The following DLC1 variants were observed in gnomAD, a reference collection of about 807,000 sequenced individuals.
DLC1 encodes rho GTPase-activating protein 7.
Under a neutral mutation model 140.3 loss-of-function variants are expected in DLC1, and 54 were observed. The ratio of observed to expected loss-of-function variants is 0.38; its 90% CI spans 0.31 to 0.48. DLC1 has a LOEUF of 0.48. DLC1 is among the 20% of genes least tolerant of loss of function. The pLI, the probability that DLC1 is intolerant of heterozygous loss-of-function variation, is 0.96. For missense variants in DLC1, 2,536 were observed against 1,907.0 expected (o/e 1.33, Z -6.14); for synonymous variants, 986 against 728.1 (o/e 1.35, Z -5.70).
chr8:13,502,297 C>G (rs1302562297), intron 1 of DLC1, among the ~76,000 whole-genome samples: 1 of 152,110 alleles, frequency 6.6e-6, no homozygotes, highest in African/African-American at 2.4e-5. Flanking sequence ...ACTCTTCTTG[C>G]TTTCATTTCT....
intron 2 of DLC1, among the ~76,000 whole-genome samples, chr8:13,442,226 T>C (rs911156015): frequency 4.6e-5 from 7 of 152,184 alleles, no homozygotes; most frequent in African/African-American, 1.2e-4. Context: ...AAGACTTAAA[T>C]GTTAGACCTA....
chr8:13,530,556 G>GA (rs1465363384), intron 1 of DLC1, among the ~76,000 whole-genome samples: 1 of 152,108 alleles, frequency 6.6e-6, no homozygotes, highest in Non-Finnish European at 1.5e-5. Context: ...CCTTGAGCCA[G>GA]ACCACATGCC....
chr8:13,240,154 G>A (rs1347899835), intron 5 of DLC1, among the ~76,000 whole-genome samples: 2 of 152,068 alleles, frequency 1.3e-5, no homozygotes, highest in East Asian at 1.9e-4. Flanking sequence ...TCAAGTAGAT[G>A]TCTCTGGAGA....
At chr8:13,172,050 T>C (rs1035115149) in intron 5 of DLC1, among the ~76,000 whole-genome samples, 15 of 152,222 alleles carry the variant, frequency 9.9e-5, no homozygotes, top group Non-Finnish European at 1.5e-4. Context: ...ATCATTATAA[T>C]AACCAAAAAG....
chr8:13,403,807 G>GTTTTTTTTTTTTTTTTTTTT (rs369715973), intron 2 of DLC1, among the ~76,000 whole-genome samples: 1 of 87,296 alleles, frequency 1.1e-5, no homozygotes, highest in Non-Finnish European at 2.1e-5. Context: ...AGGTCTGGCT[G>GTTTTTTTTTTTTTTTTTTTT]TTTTTTTTTT....
chr8:13,511,064 T>C (rs1198543338), intron 1 of DLC1, among the ~76,000 whole-genome samples: 1 of 152,256 alleles, frequency 6.6e-6, no homozygotes, highest in East Asian at 1.9e-4. Flanking sequence ...GCAAGCTAGG[T>C]ATTTTGCTAA....
chr8:13,246,589 A>G (rs912132836), intron 5 of DLC1, among the ~76,000 whole-genome samples: 3 of 152,154 alleles, frequency 2.0e-5, no homozygotes, highest in Admixed American at 6.5e-5. Flanking sequence ...GTTCACAGCA[A>G]TTCATATCAA....
intron 2 of DLC1, among the ~76,000 whole-genome samples, chr8:13,477,095 T>G (rs2117097942): frequency 6.6e-6 from 1 of 152,284 alleles, no homozygotes; most frequent in Middle Eastern, 3.4e-3. Flanking sequence ...AGCTTCCTAT[T>G]TCTCACTATT....
intron 7 of DLC1, among the ~76,000 whole-genome samples, chr8:13,108,964 T>G (rs1319183675): frequency 6.6e-6 from 1 of 152,134 alleles, no homozygotes; most frequent in East Asian, 1.9e-4. Flanking sequence ...TTTCAGAAAA[T>G]GGGTACACAC....
At chr8:13,493,149 A>G (rs868621223) in intron 2 of DLC1, among the ~76,000 whole-genome samples, 2 of 152,192 alleles carry the variant, frequency 1.3e-5, no homozygotes, top group African/African-American at 2.4e-5. Context: ...GGGAAGCACA[A>G]TCTTCTCAAC....
intron 16 of DLC1, among the ~76,000 whole-genome samples, chr8:13,087,121 G>C (rs1454827484): frequency 6.6e-6 from 1 of 152,160 alleles, no homozygotes. Context: ...CCCTCATTAG[G>C]CATGGTGGGT....
intron 5 of DLC1, among the ~76,000 whole-genome samples, chr8:13,262,436 A>C (rs1240700163): frequency 5.3e-5 from 8 of 152,126 alleles, no homozygotes; most frequent in Admixed American, 2.6e-4. Context: ...TGGACTTGAC[A>C]TTCTAAAGCA....
intron 1 of DLC1, among the ~76,000 whole-genome samples, chr8:13,571,112 G>T (rs1240610914): frequency 2.0e-5 from 3 of 152,176 alleles, no homozygotes; most frequent in Non-Finnish European, 4.4e-5. Flanking sequence ...AATTTCTTAT[G>T]TATTATTCCA....
Position 13,508,708 on chromosome 8 carries a change from A to G in DLC1, c.-126+5894T>C, listed in dbSNP as rs547908305. Among the ~76,000 whole-genome samples the G allele has an allele frequency of 1.3e-3, 205 of 151,918 alleles. No homozygotes were observed. The Middle Eastern group carries it at 0.014, about 10-fold the overall frequency. On this transcript the variant is annotated intron_variant, in intron 1 of 17. Coordinates refer to ENST00000276297, the MANE Select transcript of DLC1 (RefSeq NM_182643.3). ...GCTGGGATTACAGGCGTGAGCCACC[A>G]CGCCCGGCCAGATGTAGTAATTTCT...
chr8:13,303,102 C>G (rs1188742135), intron 5 of DLC1, among the ~76,000 whole-genome samples: 1 of 152,094 alleles, frequency 6.6e-6, no homozygotes, highest in African/African-American at 2.4e-5. Context: ...TCCTTTATTT[C>G]TTAAATGATC....
At chr8:13,106,196 T>C (rs1819549488) in intron 7 of DLC1, among the ~76,000 whole-genome samples, 1 of 152,134 alleles carries the variant, frequency 6.6e-6, no homozygotes, top group African/African-American at 2.4e-5. Context: ...GGCCCCATTG[T>C]ATTAAAAGTA....
At chr8:13,405,581 C>T (rs1837490769) in intron 2 of DLC1, among the ~76,000 whole-genome samples, 1 of 152,126 alleles carries the variant, frequency 6.6e-6, no homozygotes, top group South Asian at 2.1e-4. Flanking sequence ...TCCCACTCCC[C>T]TTCCTGTTAG....
intron 5 of DLC1, among the ~76,000 whole-genome samples, chr8:13,257,191 T>C (rs1388066610): frequency 6.6e-6 from 1 of 151,556 alleles, no homozygotes; most frequent in Non-Finnish European, 1.5e-5. Context: ...TTTCACACAG[T>C]TCCCGGGACT....
rs555692861 is a variant in DLC1 at position 13,232,794 on chromosome 8, A to G, written c.1348+72475T>C. 2.6e-5 allele frequency among the ~76,000 whole-genome samples: 4 copies of G among 152,340 alleles called. No individual in the cohort carries two copies. In the South Asian group the frequency reaches 6.2e-4, roughly 24 times the overall value. ...GACTCAAATACAAATCATTTCATCCATGAAAATATCCTATAGTCTCAGATG... is the reference window on the plus strand; with the variant it reads ...GACTCAAATACAAATCATTTCATCCGTGAAAATATCCTATAGTCTCAGATG... On this transcript the variant is annotated intron_variant, in intron 5 of 17. Transcript: ENST00000276297.
Sources: gnomAD v4.1 joint callset for allele counts (sites outside exome capture counted in the v4.1 genomes callset) on GRCh38, gnomAD v4.1.1 for gene constraint, MANE v1.5 for transcripts, NCBI Gene and HGNC (gene_info 2026-07-23, HGNC 2026-07-21) for gene names.